Variants in AGBL4 observed in about 807,000 individuals in gnomAD.
AGBL4 encodes the protein AGBL carboxypeptidase 4.
In AGBL4, 58 loss-of-function variants were observed where a neutral mutation model predicts 66.4. The ratio of observed to expected loss-of-function variants is 0.87; its 90% CI spans 0.71 to 1.09. AGBL4 has a LOEUF of 1.09. Among genes scored for constraint, AGBL4 ranks in the 50% least tolerant of loss-of-function variants. AGBL4 has a pLI of 0.00. For missense variants in AGBL4, 579 were observed against 631.0 expected (o/e 0.92, Z 0.88); for synonymous variants, 234 against 222.9 (o/e 1.05, Z -0.44).
At chr1:49,770,373 A>G (rs2147881619) in intron 2 of AGBL4, among the ~76,000 whole-genome samples, 1 of 152,250 alleles carries the variant, frequency 6.6e-6, no homozygotes, top group South Asian at 2.1e-4. Flanking sequence ...GATGATTCCC[A>G]CTTTATTGTA....
chr1:49,829,068 C>CA (rs536528061), intron 2 of AGBL4, among the ~76,000 whole-genome samples: 1,002 of 93,312 alleles, frequency 0.011, 8 homozygotes, highest in African/African-American at 0.028. Context: ...GACTCCGTCT[C>CA]AAAAAAAAAA....
rs575009644 is a variant in AGBL4 at position 49,850,543 on chromosome 1, A to G, written c.157+853T>C. On this transcript the variant is annotated intron_variant, in intron 2 of 13. Coordinates refer to ENST00000371839, the MANE Select transcript of AGBL4 (RefSeq NM_032785.4). The stretch of plus-strand genomic sequence containing the variant: ...CGTAGTACTTTGTTATATCAGCCTT[A>G]TCAAACCTATACAATATGACATAAT... Among the ~76,000 whole-genome samples the G allele has an allele frequency of 5.9e-4, 90 of 152,270 alleles. 1 individual carries two copies. Among genetic ancestry groups the G allele is most frequent in the African/African-American group, 2.1e-3 (86 of 41,572 alleles).
intron 1 of AGBL4, among the ~76,000 whole-genome samples, chr1:49,852,031 T>A (rs1314900223): frequency 6.6e-6 from 1 of 152,198 alleles, no homozygotes. Context: ...TGAATTAGCA[T>A]AGAAGTTCTA....
intron 2 of AGBL4, among the ~76,000 whole-genome samples, chr1:49,726,169 G>A (rs559086038): frequency 1.3e-5 from 2 of 152,274 alleles, no homozygotes; most frequent in African/African-American, 4.8e-5. Flanking sequence ...TCAGATCAAG[G>A]TGGTTGGGAT....
chr1:48,946,840 C>T (rs759899776), intron 5 of AGBL4, among the ~76,000 whole-genome samples: 3 of 152,098 alleles, frequency 2.0e-5, no homozygotes, highest in South Asian at 2.1e-4. Context: ...GATGACATCC[C>T]GGAGGAAGTA....
At position 48,678,445 on chromosome 1, in the gene AGBL4, A is replaced by G. The variant is rs188711857; in HGVS notation, c.635-15204T>C. Reference sequence around the variant, plus strand: ...CCCTTCCACTCACACACATCTTGAGAATTTCCCCGGAACCCATGCCCTCTC... The same window carrying G: ...CCCTTCCACTCACACACATCTTGAGGATTTCCCCGGAACCCATGCCCTCTC... On this transcript the variant is annotated intron_variant, in intron 6 of 13. Transcript: ENST00000371839. Among the ~76,000 whole-genome samples, 334 of 152,264 alleles carry G rather than the reference A, an allele frequency of 2.2e-3. 2 individuals are homozygous for G. The highest frequency in any genetic ancestry group is 7.8e-3 in the African/African-American group (323 of 41,546).
At chr1:49,948,225 T>C (rs1489762614) in intron 1 of AGBL4, among the ~76,000 whole-genome samples, 2 of 100,038 alleles carry the variant, frequency 2.0e-5, no homozygotes, top group Non-Finnish European at 3.4e-5. Context: ...TATATATAAA[T>C]ATATATAAAT....
At chr1:49,526,997 G>A (rs1650708435) in intron 3 of AGBL4, among the ~76,000 whole-genome samples, 1 of 152,140 alleles carries the variant, frequency 6.6e-6, no homozygotes, top group South Asian at 2.1e-4. Context: ...ACATTAGGTT[G>A]ATGATACTGT....
chr1:48,699,129 G>A (rs1316391294), intron 6 of AGBL4, among the ~76,000 whole-genome samples: 2 of 152,166 alleles, frequency 1.3e-5, no homozygotes, highest in Non-Finnish European at 2.9e-5. Context: ...CCAGCATGTG[G>A]GGCTCAGCTT....
chr1:49,419,107 A>T (rs1645488618), intron 3 of AGBL4, among the ~76,000 whole-genome samples: 1 of 152,210 alleles, frequency 6.6e-6, no homozygotes, highest in Non-Finnish European at 1.5e-5. Flanking sequence ...CCAGATAAGT[A>T]AATATTCTTC....
At chr1:48,676,008 C>G (rs539620196) in intron 6 of AGBL4, among the ~76,000 whole-genome samples, 6 of 152,266 alleles carry the variant, frequency 3.9e-5, no homozygotes, top group East Asian at 1.9e-4. Flanking sequence ...ATGTGCTCCT[C>G]GAAAAAACTC....
intron 2 of AGBL4, among the ~76,000 whole-genome samples, chr1:49,787,071 T>C (rs1296922358): frequency 6.6e-6 from 1 of 152,122 alleles, no homozygotes; most frequent in East Asian, 1.9e-4. Flanking sequence ...GTCCCCCCTG[T>C]AACAGTGAAA....
intron 1 of AGBL4, among the ~76,000 whole-genome samples, chr1:49,989,412 C>T (rs1040270375): frequency 2.6e-5 from 4 of 152,136 alleles, no homozygotes; most frequent in Admixed American, 2.6e-4. Flanking sequence ...ACAGCAGAGA[C>T]ATGGTACATA....
intron 13 of AGBL4, 108 bp from the exon 14 acceptor site, chr1:48,534,401 A>G: frequency 7.2e-7 from 1 of 1,380,350 alleles, no homozygotes; most frequent in East Asian, 2.5e-5. Context: ...GCCTCCCAGG[A>G]ACAGTAACCT....
chr1:49,976,787 G>A (rs1390997062), intron 1 of AGBL4, among the ~76,000 whole-genome samples: 1 of 152,060 alleles, frequency 6.6e-6, no homozygotes, highest in Non-Finnish European at 1.5e-5. Context: ...ATACTGACAG[G>A]CAGGTCCACT....
intron 1 of AGBL4, among the ~76,000 whole-genome samples, chr1:49,987,049 C>A (rs575918196): frequency 6.6e-6 from 1 of 151,968 alleles, no homozygotes; most frequent in Non-Finnish European, 1.5e-5. Context: ...CACTTCCCTG[C>A]TGGTAAAGGA....
intron 3 of AGBL4, among the ~76,000 whole-genome samples, chr1:49,676,446 G>C (rs1646580720): frequency 6.6e-6 from 1 of 151,876 alleles, no homozygotes; most frequent in South Asian, 2.1e-4. Flanking sequence ...ATTGATCTGG[G>C]GTAATATCAT....
intron 2 of AGBL4, among the ~76,000 whole-genome samples, chr1:49,725,449 A>C (rs1648944844): frequency 6.6e-6 from 1 of 152,124 alleles, no homozygotes; most frequent in South Asian, 2.1e-4. Flanking sequence ...TCTCAAGCTC[A>C]TAGGTTTGCA....
chr1:48,909,593 T>C (rs1652906928), intron 5 of AGBL4, among the ~76,000 whole-genome samples: 1 of 152,200 alleles, frequency 6.6e-6, no homozygotes, highest in South Asian at 2.1e-4. Context: ...AAGCAGGGAC[T>C]AAATTTTTTC....
Sources: allele counts gnomAD v4.1 joint callset (sites outside exome capture counted in the v4.1 genomes callset), GRCh38; gene constraint gnomAD v4.1.1; transcripts MANE v1.5; gene names NCBI Gene and HGNC (gene_info 2026-07-23, HGNC 2026-07-21).